The following ULK4 variants were observed in gnomAD, a reference collection of about 807,000 sequenced individuals.
ULK4 encodes the protein unc-51 like kinase 4.
A neutral mutation model predicts 160.6 loss-of-function variants in ULK4; 133 were observed. That is an observed-to-expected ratio of 0.83 (90% CI 0.72 to 0.96). The LOEUF (loss-of-function observed/expected upper bound fraction) is 0.96, where lower values mean the gene tolerates loss of function less well. ULK4 is among the 40% of genes least tolerant of loss of function. The pLI is 0.00. For missense variants in ULK4, 1,580 were observed against 1,499.5 expected, an observed-to-expected ratio of 1.05 and a Z score of -0.89; for synonymous variants, 534 against 539.8, an observed-to-expected ratio of 0.99 and a Z score of 0.15.
At chr3:41,728,749 A>G (rs1162390779) in intron 22 of ULK4, among the ~76,000 whole-genome samples, 2 of 152,210 alleles carry the variant, frequency 1.3e-5, no homozygotes, top group Non-Finnish European at 2.9e-5. Flanking sequence ...AGGAAACAGT[A>G]GACTTCTAGT....
intron 34 of ULK4, among the ~76,000 whole-genome samples, chr3:41,452,491 G>T (rs921230938): frequency 2.6e-5 from 4 of 152,126 alleles, no homozygotes; most frequent in Admixed American, 6.6e-5. Flanking sequence ...GCTCTTACAA[G>T]GAGTGTAAGC....
At chr3:41,546,597 A>G (rs987437246) in intron 32 of ULK4, among the ~76,000 whole-genome samples, 1 of 152,042 alleles carries the variant, frequency 6.6e-6, no homozygotes, top group Admixed American at 6.6e-5. Context: ...AAACCTGTGG[A>G]AAACTCCGAT....
chr3:41,618,573 C>T (rs2033089959), intron 30 of ULK4, among the ~76,000 whole-genome samples: 1 of 152,140 alleles, frequency 6.6e-6, no homozygotes, highest in Non-Finnish European at 1.5e-5. Context: ...TGAGCAAATG[C>T]TGAGGGATTT....
intron 21 of ULK4, among the ~76,000 whole-genome samples, chr3:41,777,216 G>A (rs1401963644): frequency 1.3e-4 from 13 of 103,014 alleles, no homozygotes; most frequent in Admixed American, 1.1e-3. Context: ...GCGTAGAGGG[G>A]TTTGTAGTAT....
intron 21 of ULK4, among the ~76,000 whole-genome samples, chr3:41,761,458 AAT>A (rs2038983477): frequency 6.6e-6 from 1 of 150,640 alleles, no homozygotes; most frequent in Non-Finnish European, 1.5e-5. Context: ...TGATTATAGT[AAT>A]GAGTGTTATG....
chr3:41,550,375 A>G (rs1301539274), intron 32 of ULK4, among the ~76,000 whole-genome samples: 1 of 151,998 alleles, frequency 6.6e-6, no homozygotes, highest in Non-Finnish European at 1.5e-5. Context: ...ACCATGAAGC[A>G]TCTTGCTGCC....
chr3:41,847,677 A>G (rs997707142), intron 17 of ULK4, among the ~76,000 whole-genome samples: 1 of 152,144 alleles, frequency 6.6e-6, no homozygotes, highest in African/African-American at 2.4e-5. Flanking sequence ...AATGACACAA[A>G]CAGAGCTAGG....
At position 41,474,414 on chromosome 3, in the gene ULK4, AAC is replaced by A. The variant is rs576920993; in HGVS notation, c.3227-11163_3227-11162del. On this transcript the variant is annotated intron_variant, in intron 32 of 36. Coordinates refer to ENST00000301831, the MANE Select transcript of ULK4 (RefSeq NM_017886.4). ...TGACACTGAAAAACCACTAGAAGAA[AAC>A]ACAGAGGGGAAAAAACACAAGACAC... 1.3e-3 allele frequency among the ~76,000 whole-genome samples: 192 copies of A among 152,310 alleles called. 1 individual carries two copies. Among genetic ancestry groups the A allele is most frequent in the Non-Finnish European group, 2.2e-3 (152 of 68,030 alleles).
intron 21 of ULK4, among the ~76,000 whole-genome samples, chr3:41,756,981 T>C (rs1432572149): frequency 1.3e-5 from 2 of 152,198 alleles, no homozygotes; most frequent in Admixed American, 1.3e-4. Context: ...AAGAACAAAA[T>C]AAGCGTGAGA....
intron 29 of ULK4, among the ~76,000 whole-genome samples, chr3:41,677,069 G>A (rs2035746782): frequency 6.6e-6 from 1 of 151,742 alleles, no homozygotes; most frequent in Non-Finnish European, 1.5e-5. Flanking sequence ...ACCACGCCTG[G>A]ATAATTTTTG....
In ULK4 at chr3:41,404,145, G is replaced by A. The variant is rs138139431; in HGVS notation, c.3493-5881C>T. Among the ~76,000 whole-genome samples, 733 of 149,752 alleles carry A rather than the reference G, an allele frequency of 4.9e-3. 6 individuals carry two copies. The highest frequency in any genetic ancestry group is 0.015 in the African/African-American group (626 of 40,896). The stretch of plus-strand genomic sequence containing the variant: ...ATTTTTCTATATTCTTGATTTTTTC[G>A]TCTAGTTGTTCTATTAATTCCTAAG... On this transcript the variant is annotated intron_variant, in intron 34 of 36. Transcript: ENST00000301831.
At chr3:41,828,362 C>T (rs1466147876) in intron 18 of ULK4, among the ~76,000 whole-genome samples, 1 of 150,242 alleles carries the variant, frequency 6.7e-6, no homozygotes, top group African/African-American at 2.5e-5. Context: ...TCAAATTGTC[C>T]CTGTTTACAG....
At chr3:41,295,190 A>ACCTTTTAGAATGGCCCAGATC (rs1260123578) in intron 35 of ULK4, among the ~76,000 whole-genome samples, 15 of 136,798 alleles carry the variant, frequency 1.1e-4, no homozygotes, top group South Asian at 4.8e-4. Context: ...AGGCAAAACA[A>ACCTTTTAGAATGGCCCAGATC]TGGAGCAAAC....
intron 22 of ULK4, among the ~76,000 whole-genome samples, chr3:41,735,186 G>C (rs2037985922): frequency 6.6e-6 from 1 of 152,152 alleles, no homozygotes; most frequent in Non-Finnish European, 1.5e-5. Context: ...CGAAAAGGAA[G>C]ACAAGCAGGC....
At chr3:41,942,072 C>G (rs1185954490) in intron 2 of ULK4, among the ~76,000 whole-genome samples, 4 of 152,176 alleles carry the variant, frequency 2.6e-5, no homozygotes, top group Non-Finnish European at 5.9e-5. Flanking sequence ...CACGGTTACT[C>G]CACAGACCTG....
At chr3:41,827,278 C>A (rs943832089) in intron 18 of ULK4, among the ~76,000 whole-genome samples, 20 of 150,600 alleles carry the variant, frequency 1.3e-4, no homozygotes, top group African/African-American at 3.4e-4. Flanking sequence ...ACACATTCAA[C>A]AGCTAGCAGA....
At chr3:41,368,139 T>C (rs2081289375) in intron 35 of ULK4, among the ~76,000 whole-genome samples, 1 of 151,886 alleles carries the variant, frequency 6.6e-6, no homozygotes, top group Admixed American at 6.6e-5. Context: ...CCTCTGCCTC[T>C]GGGGTTAACG....
intron 31 of ULK4, among the ~76,000 whole-genome samples, chr3:41,594,779 G>A (rs905801127): frequency 4.0e-5 from 6 of 151,896 alleles, no homozygotes; most frequent in Non-Finnish European, 7.3e-5. Context: ...TAAATGGAAC[G>A]CAAACAGCAG....
intron 32 of ULK4, among the ~76,000 whole-genome samples, chr3:41,534,214 G>T (rs760229771): frequency 6.6e-6 from 1 of 152,176 alleles, no homozygotes; most frequent in Non-Finnish European, 1.5e-5. Flanking sequence ...AATAAGAAAT[G>T]AGTAGTTTGA....
Sources: allele counts gnomAD v4.1 joint callset (sites outside exome capture counted in the v4.1 genomes callset), GRCh38; gene constraint gnomAD v4.1.1; transcripts MANE v1.5; gene names NCBI Gene and HGNC (gene_info 2026-07-23, HGNC 2026-07-21).